Variants in SLC41A3 observed in about 807,000 individuals in gnomAD.
SLC41A3 encodes the protein solute carrier family 41 member 3, also known as SLC41A1-like 2.
A neutral mutation model predicts 45.4 loss-of-function variants in SLC41A3; 44 were observed. The ratio of observed to expected loss-of-function variants is 0.97; its 90% CI spans 0.76 to 1.25. The LOEUF (loss-of-function observed/expected upper bound fraction) is 1.25. Ranked by LOEUF, SLC41A3 falls within the 50% of genes most tolerant of loss-of-function variation. The pLI is 0.00. For synonymous variants in SLC41A3, 256 were observed against 252.4 expected, an observed-to-expected ratio of 1.01 and a Z score of -0.13; for missense variants, 550 against 600.6, an observed-to-expected ratio of 0.92 and a Z score of 0.88.
chr3:126,094,999 G>T (rs1312298283), intron 1 of SLC41A3, among the ~76,000 whole-genome samples: 1 of 152,236 alleles, frequency 6.6e-6, no homozygotes, highest in Non-Finnish European at 1.5e-5. Flanking sequence ...ATTGAATCTA[G>T]CATTATTAAC....
At chr3:126,090,397 TA>T (rs1163141415) in intron 1 of SLC41A3, among the ~76,000 whole-genome samples, 3 of 152,180 alleles carry the variant, frequency 2.0e-5, no homozygotes, top group Admixed American at 6.5e-5. Flanking sequence ...AGAAAGGAGC[TA>T]AAAAATGGTT....
At chr3:126,093,206 T>TA (rs1473046579) in intron 1 of SLC41A3, among the ~76,000 whole-genome samples, 2 of 152,108 alleles carry the variant, frequency 1.3e-5, no homozygotes, top group East Asian at 3.8e-4. Context: ...CTATTCATAC[T>TA]AAAAAAGAAT....
intron 5 of SLC41A3, chr3:126,025,028 G>C (rs192067483): frequency 1.3e-5 from 2 of 152,310 alleles, no homozygotes; most frequent in Non-Finnish European, 2.9e-5. Flanking sequence ...GTCAGAGGAG[G>C]CCTCAGGACA....
intron 3 of SLC41A3, among the ~76,000 whole-genome samples, chr3:126,048,249 T>G (rs1191447244): frequency 3.3e-5 from 5 of 152,228 alleles, no homozygotes; most frequent in Admixed American, 2.6e-4. Context: ...AATTTTTATT[T>G]CTCTTTATAA....
At chr3:126,082,733 G>A (rs1392445438) in intron 1 of SLC41A3, among the ~76,000 whole-genome samples, 8 of 152,246 alleles carry the variant, frequency 5.3e-5, no homozygotes, top group African/African-American at 9.6e-5. Flanking sequence ...ACCCCAGTGC[G>A]AACACATCCT....
intron 2 of SLC41A3, among the ~76,000 whole-genome samples, chr3:126,064,323 C>G (rs961886327): frequency 2.6e-5 from 4 of 152,278 alleles, no homozygotes; most frequent in South Asian, 2.1e-4. Flanking sequence ...GCTTCAGTTT[C>G]TGCCACCCTG....
At chr3:126,042,774 C>T (rs1180009482) in intron 3 of SLC41A3, among the ~76,000 whole-genome samples, 1 of 152,002 alleles carries the variant, frequency 6.6e-6, no homozygotes, top group Non-Finnish European at 1.5e-5. Context: ...AAATTCTTTA[C>T]AGAGGTTCAA....
At chr3:126,059,312 AAG>A (rs201993638) in intron 2 of SLC41A3, among the ~76,000 whole-genome samples, 13 of 125,178 alleles carry the variant, frequency 1.0e-4, no homozygotes, top group African/African-American at 4.1e-4. Flanking sequence ...GAAAGAAAGG[AAG>A]GATGATCTGT....
chr3:126,062,579 C>CA (rs1491419431), intron 2 of SLC41A3, among the ~76,000 whole-genome samples: 5 of 152,362 alleles, frequency 3.3e-5, no homozygotes, highest in African/African-American at 7.2e-5. Flanking sequence ...CAAAGGCACT[C>CA]ACAATGAGAG....
intron 2 of SLC41A3, among the ~76,000 whole-genome samples, chr3:126,060,320 G>A (rs1943990720): frequency 6.6e-6 from 1 of 152,184 alleles, no homozygotes; most frequent in South Asian, 2.1e-4. Flanking sequence ...TCGGGAGGCT[G>A]AGGCACCAGA....
chr3:126,075,056 C>T (rs1398093689), intron 1 of SLC41A3, among the ~76,000 whole-genome samples: 1 of 151,030 alleles, frequency 6.6e-6, no homozygotes, highest in Non-Finnish European at 1.5e-5. Context: ...GTGATCCTCC[C>T]ACCTCAGCCT....
At chr3:126,051,448 CG>C (rs5852461) in intron 2 of SLC41A3, among the ~76,000 whole-genome samples, 52,567 of 152,050 alleles carry the variant, frequency 0.35, 9,414 homozygotes, top group East Asian at 0.52. Flanking sequence ...CTGACTCTAC[CG>C]GGGATCAACG....
intron 6 of SLC41A3, among the ~76,000 whole-genome samples, chr3:126,019,652 G>A (rs1411488747): frequency 6.6e-6 from 1 of 152,170 alleles, no homozygotes. Flanking sequence ...AGACCAATAG[G>A]CCAAAACCTG....
At chr3:126,069,133 C>T (rs559839696) in intron 1 of SLC41A3, among the ~76,000 whole-genome samples, 100 of 145,386 alleles carry the variant, frequency 6.9e-4, no homozygotes, top group Middle Eastern at 3.4e-3. Context: ...CAATTACTTT[C>T]GCACCAACCT....
chr3:126,021,044 G>A lies in SLC41A3; in HGVS notation c.745+1742C>T, dbSNP rs1379788334. ...CGAGTAGCTGGGACTACAGGCGCCC[G>A]CCACCATGCCTTGCTAATTTTTTGT... On this transcript the variant is annotated intron_variant, in intron 6 of 10. Coordinates refer to ENST00000360370, the MANE Select transcript of SLC41A3 (RefSeq NM_017836.4). Among the ~76,000 whole-genome samples the A allele has an allele frequency of 4.6e-5, 7 of 152,070 alleles. No homozygotes were observed. The South Asian group carries it at 6.2e-4, about 13-fold the overall frequency.
intron 5 of SLC41A3, 30 bp from the exon 6 acceptor site, chr3:126,022,962 C>T (rs1198412050): frequency 1.2e-6 from 2 of 1,612,688 alleles, no homozygotes; most frequent in Non-Finnish European, 1.7e-6. Context: ...AAACAGCAGA[C>T]TCAAATCCCA....
intron 1 of SLC41A3, among the ~76,000 whole-genome samples, chr3:126,069,592 G>A (rs891055262): frequency 3.3e-5 from 5 of 152,064 alleles, no homozygotes; most frequent in South Asian, 2.1e-4. Context: ...AATGAGACAT[G>A]CCAAGAAATA....
rs116553573 is a variant in SLC41A3 at position 126,018,045 on chromosome 3, C to T, written c.746-1170G>A. Among the ~76,000 whole-genome samples, 1,117 of 152,302 alleles carry T rather than the reference C, an allele frequency of 7.3e-3. 18 individuals carry two copies. The highest frequency in any genetic ancestry group is 0.026 in the African/African-American group (1,065 of 41,554). On this transcript the variant is annotated intron_variant, in intron 6 of 10. Transcript: ENST00000360370. The stretch of plus-strand genomic sequence containing the variant: ...GGCCTGCCTCATGCTTTCCCCAGCA[C>T]ACCTCCCCAATATGCAATGCCAATT...
At position 126,038,039 on chromosome 3, in the gene SLC41A3, C is replaced by T. The variant is rs191620412; in HGVS notation, c.382-4361G>A. Among the ~76,000 whole-genome samples the T allele has an allele frequency of 4.7e-4, 71 of 152,362 alleles. No individual in the cohort carries two copies. The Middle Eastern group carries it at 0.017, about 36-fold the overall frequency. ...GCTGCTTCAGAGGATGCAAGTCTTA[C>T]ACCTTGGTGGCTCCCAGTGGTGTAA... On this transcript the variant is annotated intron_variant, in intron 3 of 10. Transcript: ENST00000360370.
Sources: allele counts gnomAD v4.1 joint callset (sites outside exome capture counted in the v4.1 genomes callset), GRCh38; gene constraint gnomAD v4.1.1; transcripts MANE v1.5; gene names NCBI Gene and HGNC (gene_info 2026-07-23, HGNC 2026-07-21).